YWHAZ: variants seen among roughly 807,000 people sequenced by gnomAD.
The protein encoded by YWHAZ is 14-3-3 protein zeta/delta.
For missense variants in YWHAZ, 79 were observed against 284.8 expected (o/e 0.28, Z 5.20); for synonymous variants, 87 against 103.6 (o/e 0.84, Z 0.97).
intron 2 of YWHAZ, among the ~76,000 whole-genome samples, chr8:100,928,010 T>C (rs773327859): frequency 3.3e-5 from 5 of 152,266 alleles, no homozygotes; most frequent in Non-Finnish European, 5.9e-5. Context: ...CTGGGCATGG[T>C]GGCTCACGCC....
chr8:100,941,401 G>A (rs1163979131), intron 2 of YWHAZ, among the ~76,000 whole-genome samples: 12 of 152,114 alleles, frequency 7.9e-5, no homozygotes, highest in East Asian at 5.8e-4. Context: ...GAAACATTCC[G>A]CATACCAGTG....
intron 2 of YWHAZ, among the ~76,000 whole-genome samples, chr8:100,941,940 C>T (rs561958813): frequency 2.1e-4 from 32 of 152,204 alleles, no homozygotes; most frequent in African/African-American, 7.7e-4. Context: ...AAATTCAACA[C>T]ATGCATACAG....
chr8:100,923,650 G>A (rs1203065946), intron 5 of YWHAZ: 4 of 197,886 alleles, frequency 2.0e-5, no homozygotes, highest in East Asian at 2.5e-4. Context: ...CAACTTGATG[G>A]GCAAGAAAAT....
At chr8:100,947,465 C>T (rs1230257758) in intron 2 of YWHAZ, among the ~76,000 whole-genome samples, 1 of 151,932 alleles carries the variant, frequency 6.6e-6, no homozygotes, top group Non-Finnish European at 1.5e-5. Flanking sequence ...TGGCTGTGAA[C>T]CCAAATAAGC....
chr8:100,949,401 G>A (rs963879864), intron 1 of YWHAZ, among the ~76,000 whole-genome samples: 1 of 152,050 alleles, frequency 6.6e-6, no homozygotes. Context: ...CTTGTCAAGA[G>A]TGATTACATT....
chr8:100,951,401 C>CGAGGGGGAGGGAAAG (rs1810763496), intron 1 of YWHAZ: 1 of 982,108 alleles, frequency 1.0e-6, no homozygotes, highest in Non-Finnish European at 1.2e-6. Context: ...GGAGGCTGCG[C>CGAGGGGGAGGGAAAG]GAGGGGGAGG....
chr8:100,928,356 A>T (rs1484910777), intron 2 of YWHAZ, among the ~76,000 whole-genome samples: 1 of 152,212 alleles, frequency 6.6e-6, no homozygotes, highest in Non-Finnish European at 1.5e-5. Flanking sequence ...ATTAAGATTT[A>T]AAAACCCAAA....
chr8:100,946,630 G>C (rs2065410669), intron 2 of YWHAZ, among the ~76,000 whole-genome samples: 1 of 151,856 alleles, frequency 6.6e-6, no homozygotes, highest in African/African-American at 2.4e-5. Context: ...CACAATGACA[G>C]GAACTTTTAT....
chr8:100,950,401 C>T (rs1210661918), intron 1 of YWHAZ: 1 of 985,516 alleles, frequency 1.0e-6, no homozygotes, highest in Non-Finnish European at 1.2e-6. Context: ...CCATTTAACC[C>T]TTACCTGACT....
intron 2 of YWHAZ, among the ~76,000 whole-genome samples, chr8:100,935,990 G>A (rs1382460404): frequency 2.6e-5 from 4 of 151,688 alleles, no homozygotes; most frequent in Non-Finnish European, 5.9e-5. Context: ...ATAAACTAAG[G>A]GTCCTTAGAC....
chr8:100,918,840 T>C lies in YWHAZ; in HGVS notation c.*1853A>G, dbSNP rs1812835587. ...CATTCTAAAAGAAAAAATACACCTT[T>C]TTTAAAATGGCATTTTTGTTTGGTG... On this transcript the variant is annotated 3_prime_UTR_variant, in exon 6 of 6. Coordinates refer to ENST00000395958, the MANE Select transcript of YWHAZ (RefSeq NM_145690.3). 6.6e-6 allele frequency: 1 copy of C among 152,600 alleles called. No individual in the cohort carries two copies. 9.5% of individuals were successfully genotyped at this position (152,600 alleles called of 1,614,324 possible). A position where few individuals can be genotyped will look rare whatever the true frequency, so the allele number is the denominator to read the frequency against.
At chr8:100,945,181 A>G (rs1022034811) in intron 2 of YWHAZ, among the ~76,000 whole-genome samples, 1 of 152,224 alleles carries the variant, frequency 6.6e-6, no homozygotes, top group Non-Finnish European at 1.5e-5. Context: ...GTTCTTTTAC[A>G]TAATGCAAAG....
rs1812858938 is a variant in YWHAZ, at chr8:100,919,192, A to T, written c.*1501T>A. 1 of 152,508 alleles carries T rather than the reference A, an allele frequency of 6.6e-6. No homozygotes were observed. The highest frequency in any genetic ancestry group is 2.1e-4 in the South Asian group (1 of 4,832). The allele number at this position is 152,508 out of a possible 1,614,324, so 9.4% of individuals were successfully genotyped here. On this transcript the variant is annotated 3_prime_UTR_variant, in exon 6 of 6. Transcript: ENST00000395958. ...CCACCAAGTAAGAATGGTTGGTGAC[A>T]AGACAGAAGGCTAAAACAGGAAGGT...
At chr8:100,947,708 G>C (rs2130355005) in intron 2 of YWHAZ, among the ~76,000 whole-genome samples, 1 of 152,310 alleles carries the variant, frequency 6.6e-6, no homozygotes, top group East Asian at 1.9e-4. Flanking sequence ...AACAAACCTG[G>C]ATTTCCATAC....
At chr8:100,934,697 A>AGTAAG (rs1278540814) in intron 2 of YWHAZ, among the ~76,000 whole-genome samples, 2 of 152,154 alleles carry the variant, frequency 1.3e-5, no homozygotes, top group African/African-American at 4.8e-5. Flanking sequence ...AAAACAAAAG[A>AGTAAG]GTAAGGAGGT....
chr8:100,932,937 A>G (rs963654118), intron 2 of YWHAZ, among the ~76,000 whole-genome samples: 2 of 152,224 alleles, frequency 1.3e-5, no homozygotes, highest in African/African-American at 4.8e-5. Flanking sequence ...AATAATCACT[A>G]GTACAGTATA....
At chr8:100,946,074 C>T (rs1810241455) in intron 2 of YWHAZ, among the ~76,000 whole-genome samples, 1 of 152,072 alleles carries the variant, frequency 6.6e-6, no homozygotes, top group Admixed American at 6.6e-5. Flanking sequence ...TTTGGGAAGC[C>T]AGTGCTATTC....
In YWHAZ at chr8:100,948,468, A is replaced by G. The variant is rs1357743746; in HGVS notation, c.294+128T>C. On this transcript the variant is annotated intron_variant, in intron 2 of 5. Coordinates refer to ENST00000395958, the MANE Select transcript of YWHAZ (RefSeq NM_145690.3). The surrounding 1 kb of genome is among the most constrained non-coding windows in gnomAD (Gnocchi z 4.2). ...CATCTTTTTAGTCATGACACCATGA[A>G]GACTTTTAAATTTGGAACACACAAT... is the stretch of plus-strand genomic sequence containing the variant. 1 of 1,056,380 alleles carries G rather than the reference A, an allele frequency of 9.5e-7. No homozygotes were observed. The highest frequency in any genetic ancestry group is 1.6e-5 in the African/African-American group (1 of 63,038). 65.4% of individuals were successfully genotyped at this position (1,056,380 alleles called of 1,614,324 possible). A position where few individuals can be genotyped will look rare whatever the true frequency, so the allele number is the denominator to read the frequency against.
intron 2 of YWHAZ, among the ~76,000 whole-genome samples, chr8:100,934,678 T>C (rs775119621): frequency 4.6e-5 from 7 of 152,044 alleles, no homozygotes; most frequent in Non-Finnish European, 1.0e-4. Context: ...AGGGCGAGAC[T>C]GTCTCCAAAA....
Sources: allele counts gnomAD v4.1 joint callset (sites outside exome capture counted in the v4.1 genomes callset), GRCh38; gene constraint gnomAD v4.1.1; non-coding constraint Gnocchi (gnomAD v3.1); transcripts MANE v1.5; gene names NCBI Gene and HGNC (gene_info 2026-07-23, HGNC 2026-07-21).